The following EPHA6 variants were observed in gnomAD, a reference collection of about 807,000 sequenced individuals.
EPHA6 encodes ephrin type-A receptor 6.
A neutral mutation model predicts 112.0 loss-of-function variants in EPHA6; 50 were observed. That is an observed-to-expected ratio of 0.45 (90% CI 0.36 to 0.56). EPHA6 has a LOEUF of 0.56. Among genes scored for constraint, EPHA6 ranks in the 20% least tolerant of loss-of-function variants. The pLI is 0.00. For synonymous variants in EPHA6, 529 were observed against 490.7 expected (o/e 1.08, Z -1.03); for missense variants, 1,280 against 1,417.4 (o/e 0.90, Z 1.56).
At chr3:97,043,413 C>A (rs1219936272) in intron 3 of EPHA6, among the ~76,000 whole-genome samples, 1 of 152,172 alleles carries the variant, frequency 6.6e-6, no homozygotes, top group Non-Finnish European at 1.5e-5. Context: ...ATATAATGGA[C>A]ACTTGGAAAA....
chr3:96,848,456 G>A (rs116438302), intron 1 of EPHA6, among the ~76,000 whole-genome samples: 3,736 of 151,828 alleles, frequency 0.025, 155 homozygotes, highest in African/African-American at 0.083. Context: ...GTGAAACTCC[G>A]TCTATACTAA....
intron 6 of EPHA6, among the ~76,000 whole-genome samples, chr3:97,436,846 C>G (rs1332467115): frequency 6.6e-6 from 1 of 152,138 alleles, no homozygotes; most frequent in African/African-American, 2.4e-5. Flanking sequence ...TTTTATTACT[C>G]TTAATCTGTC....
chr3:97,061,137 C>T (rs987177005), intron 3 of EPHA6, among the ~76,000 whole-genome samples: 1 of 151,708 alleles, frequency 6.6e-6, no homozygotes, highest in East Asian at 1.9e-4. Flanking sequence ...CTTATAGGAC[C>T]CAAACACCAA....
At chr3:96,870,059 A>ATGTATTGGTCATGGTTACT (rs2036549872) in intron 2 of EPHA6, among the ~76,000 whole-genome samples, 1 of 152,102 alleles carries the variant, frequency 6.6e-6, no homozygotes, top group African/African-American at 2.4e-5. Flanking sequence ...TTACCCTGAA[A>ATGTATTGGTCATGGTTACT]TACTTCATGT....
intron 14 of EPHA6, among the ~76,000 whole-genome samples, chr3:97,674,165 C>T (rs2031132435): frequency 6.6e-6 from 1 of 152,120 alleles, no homozygotes; most frequent in Non-Finnish European, 1.5e-5. Context: ...GTTATGGAAA[C>T]ATGTTAACAA....
chr3:96,920,619 G>A (rs763541094), intron 2 of EPHA6, among the ~76,000 whole-genome samples: 4 of 151,700 alleles, frequency 2.6e-5, no homozygotes, highest in Admixed American at 1.3e-4. Flanking sequence ...TTAATTACCC[G>A]TATTACAGAA....
intron 2 of EPHA6, among the ~76,000 whole-genome samples, chr3:96,975,434 C>T (rs1459565001): frequency 6.6e-6 from 1 of 152,086 alleles, no homozygotes; most frequent in Non-Finnish European, 1.5e-5. Context: ...AATTCTAGTC[C>T]ATGAAACACT....
chr3:96,870,063 T>G (rs1437127008), intron 2 of EPHA6, among the ~76,000 whole-genome samples: 2 of 152,086 alleles, frequency 1.3e-5, no homozygotes, highest in Non-Finnish European at 2.9e-5. Flanking sequence ...CCTGAAATAC[T>G]TCATGTATTG....
At chr3:97,743,489 T>A (rs1416612115) in intron 16 of EPHA6, among the ~76,000 whole-genome samples, 1 of 152,138 alleles carries the variant, frequency 6.6e-6, no homozygotes, top group Non-Finnish European at 1.5e-5. Flanking sequence ...ACTAAAAGAA[T>A]GTTGTTAGCA....
intron 2 of EPHA6, among the ~76,000 whole-genome samples, chr3:96,892,954 A>ATGTGTGTGTG (rs144428670): frequency 4.5e-5 from 6 of 132,414 alleles, no homozygotes; most frequent in African/African-American, 1.3e-4. Context: ...ATATATATAT[A>ATGTGTGTGTG]TGTGTGTGTG....
intron 3 of EPHA6, among the ~76,000 whole-genome samples, chr3:97,006,539 A>G (rs1218967220): frequency 6.8e-6 from 1 of 146,794 alleles, no homozygotes; most frequent in African/African-American, 2.5e-5. Context: ...TTTTTTTTTA[A>G]TTTTTTCAAA....
intron 5 of EPHA6, among the ~76,000 whole-genome samples, chr3:97,272,113 G>C (rs1437534491): frequency 6.6e-6 from 1 of 151,954 alleles, no homozygotes; most frequent in Non-Finnish European, 1.5e-5. Context: ...GGTAATCCCT[G>C]TTCCATTCTC....
chr3:97,523,825 A>G (rs759854442), intron 10 of EPHA6, among the ~76,000 whole-genome samples: 1 of 151,800 alleles, frequency 6.6e-6, no homozygotes, highest in Non-Finnish European at 1.5e-5. Context: ...CTTTTTCCCA[A>G]TCTTGACTAA....
At chr3:96,949,151 AT>A (rs1211282915) in intron 2 of EPHA6, among the ~76,000 whole-genome samples, 2 of 152,210 alleles carry the variant, frequency 1.3e-5, no homozygotes, top group African/African-American at 4.8e-5. Flanking sequence ...TCGAAAATAA[AT>A]GAGAATCTGG....
intron 11 of EPHA6, among the ~76,000 whole-genome samples, chr3:97,540,665 T>C (rs2092836000): frequency 6.6e-6 from 1 of 152,182 alleles, no homozygotes. Context: ...GTAACAGCTG[T>C]AAAAACATCT....
chr3:97,345,006 G>A (rs1451791363), intron 5 of EPHA6, among the ~76,000 whole-genome samples: 1 of 151,912 alleles, frequency 6.6e-6, no homozygotes, highest in Non-Finnish European at 1.5e-5. Context: ...GAGCAAGAGT[G>A]TAAATTCTGG....
intron 3 of EPHA6, among the ~76,000 whole-genome samples, chr3:97,105,422 C>CA (rs1397716155): frequency 1.6e-4 from 24 of 152,206 alleles, no homozygotes; most frequent in Admixed American, 1.5e-3. Context: ...AAATGTCATT[C>CA]AGGAGCAAGT....
At chr3:96,828,360 G>A (rs963894065) in intron 1 of EPHA6, among the ~76,000 whole-genome samples, 19 of 152,078 alleles carry the variant, frequency 1.2e-4, no homozygotes, top group African/African-American at 3.9e-4. Flanking sequence ...TTTACAAAGA[G>A]CAAAGGAATG....
chr3:97,760,111 T>G lies in EPHA6; in HGVS notation c.*11410T>G, dbSNP rs926386062. ...TTGCATAATCAACCTGTCACTTTTTTCAAACACGATTTGGGAGGGTATTGA... is the reference window on the plus strand; with the variant it reads ...TTGCATAATCAACCTGTCACTTTTTGCAAACACGATTTGGGAGGGTATTGA... On this transcript the variant is annotated 3_prime_UTR_variant, in exon 18 of 18. Coordinates refer to ENST00000389672, the MANE Select transcript of EPHA6 (RefSeq NM_001080448.3). The G allele has an allele frequency of 1.1e-5, 2 of 181,456 alleles. No homozygotes were observed. The highest frequency in any genetic ancestry group is 2.3e-5 in the Non-Finnish European group (2 of 85,136). The allele number at this position is 181,456 out of a possible 1,614,324, so 11.2% of individuals were successfully genotyped here. A position where few individuals can be genotyped will look rare whatever the true frequency, so the allele number is the denominator to read the frequency against.
Sources: allele counts gnomAD v4.1 joint callset (sites outside exome capture counted in the v4.1 genomes callset), GRCh38; gene constraint gnomAD v4.1.1; transcripts MANE v1.5; gene names NCBI Gene and HGNC (gene_info 2026-07-23, HGNC 2026-07-21).